Variants in MAGI2 observed in about 807,000 individuals in gnomAD.
The protein encoded by MAGI2 is membrane associated guanylate kinase, WW and PDZ domain containing 2, also known as membrane-associated guanylate kinase, WW and PDZ domain-containing protein 2.
In MAGI2, 35 loss-of-function variants were observed where a neutral mutation model predicts 133.3. The observed-to-expected ratio is 0.26, with a 90% confidence interval of 0.20 to 0.35. MAGI2 has a LOEUF of 0.35. MAGI2 is among the 10% of genes least tolerant of loss of function. The pLI is 1.00. For missense variants in MAGI2, 1,636 were observed against 1,863.4 expected (o/e 0.88, Z 2.25); for synonymous variants, 729 against 710.6 (o/e 1.03, Z -0.41).
At chr7:79,229,168 G>A (rs1185078081) in intron 1 of MAGI2, among the ~76,000 whole-genome samples, 5 of 150,670 alleles carry the variant, frequency 3.3e-5, no homozygotes, top group African/African-American at 1.2e-4. Flanking sequence ...ACATAAGACA[G>A]AAAAGTTATT....
intron 9 of MAGI2, among the ~76,000 whole-genome samples, chr7:78,328,132 C>T (rs1309472024): frequency 2.0e-5 from 3 of 152,100 alleles, no homozygotes; most frequent in East Asian, 3.9e-4. Context: ...GGCAAAATGT[C>T]TCCTTTTCTT....
chr7:79,317,585 A>C (rs1029287038), intron 1 of MAGI2, among the ~76,000 whole-genome samples: 7 of 152,198 alleles, frequency 4.6e-5, no homozygotes, highest in Admixed American at 3.9e-4. Context: ...AATCGATATA[A>C]AAATTTCAAT....
At chr7:78,260,367 G>A (rs1264000043) in intron 9 of MAGI2, among the ~76,000 whole-genome samples, 1 of 152,138 alleles carries the variant, frequency 6.6e-6, no homozygotes, top group African/African-American at 2.4e-5. Context: ...GACATCATCA[G>A]GAAGACTGGC....
At chr7:78,837,851 G>A (rs903986300) in intron 2 of MAGI2, among the ~76,000 whole-genome samples, 7 of 152,038 alleles carry the variant, frequency 4.6e-5, no homozygotes, top group Non-Finnish European at 1.0e-4. Flanking sequence ...TTTGAAACCT[G>A]CAGTATGTTC....
chr7:78,026,141 A>G (rs1050825356), intron 21 of MAGI2: 1 of 152,590 alleles, frequency 6.6e-6, no homozygotes, highest in Non-Finnish European at 1.5e-5. Flanking sequence ...AGTACATATC[A>G]GTATATATAC....
chr7:78,968,129 C>T (rs1803489804), intron 2 of MAGI2, among the ~76,000 whole-genome samples: 1 of 152,124 alleles, frequency 6.6e-6, no homozygotes, highest in Admixed American at 6.6e-5. Flanking sequence ...CCGCACCCTG[C>T]CTCCACTTGG....
intron 10 of MAGI2, among the ~76,000 whole-genome samples, chr7:78,248,142 A>AC (rs1165624727): frequency 6.6e-6 from 1 of 152,218 alleles, no homozygotes; most frequent in Admixed American, 6.5e-5. Context: ...CTCAGCAGAA[A>AC]CCCTGGAGTC....
chr7:78,816,363 C>T (rs1460755803), intron 2 of MAGI2, among the ~76,000 whole-genome samples: 1 of 152,154 alleles, frequency 6.6e-6, no homozygotes, highest in African/African-American at 2.4e-5. Flanking sequence ...GCAAGTTACT[C>T]AAGTGATCTA....
At chr7:78,806,887 T>C (rs1788626500) in intron 2 of MAGI2, among the ~76,000 whole-genome samples, 1 of 146,356 alleles carries the variant, frequency 6.8e-6, no homozygotes, top group South Asian at 2.1e-4. Context: ...TAAAATAAAA[T>C]AAAATAAAAT....
intron 2 of MAGI2, among the ~76,000 whole-genome samples, chr7:78,655,205 A>C (rs1377899440): frequency 6.6e-6 from 1 of 151,982 alleles, no homozygotes; most frequent in African/African-American, 2.4e-5. Flanking sequence ...TATTACTAAA[A>C]CGCAAGACAA....
At chr7:78,415,145 C>T (rs1250468274) in intron 6 of MAGI2, among the ~76,000 whole-genome samples, 1 of 152,076 alleles carries the variant, frequency 6.6e-6, no homozygotes, top group Non-Finnish European at 1.5e-5. Flanking sequence ...CTGTGCCTTA[C>T]CTTCCTTTAT....
intron 9 of MAGI2, among the ~76,000 whole-genome samples, chr7:78,308,641 G>T (rs1798438896): frequency 6.6e-6 from 1 of 151,418 alleles, no homozygotes; most frequent in Non-Finnish European, 1.5e-5. Context: ...TCCTTTTCAG[G>T]TGTTCCATTA....
In MAGI2 at chr7:78,127,390, T is replaced by C. The variant is rs1342906924; in HGVS notation, c.3230A>G (p.Gln1077Arg). 2 of 1,605,586 alleles carry C rather than the reference T, an allele frequency of 1.2e-6. No homozygotes were observed. The highest frequency in any genetic ancestry group is 3.3e-5 in the Admixed American group (2 of 59,982). ...NSYRSEVKAR[Q>R]DVKPDIRQPP... ...CTGTCGGATGTCTGGTTTCACATCT[T>C]GCCTTGCTTTCACTTCCGACCTGTA... is the stretch of plus-strand genomic sequence containing the variant. The change falls in exon 19 of 22, where the codon CAA (glutamine) becomes CGA (arginine). Residue 1077 changes from glutamine to arginine, a missense_variant. By Grantham distance (43) the Gln-to-Arg change is conservative. This residue lies in a region of MAGI2 where 920 missense variants were observed against 1,093.5 expected (regional missense o/e 0.84). Coordinates refer to ENST00000354212, the MANE Select transcript of MAGI2 (RefSeq NM_012301.4).
intron 20 of MAGI2, among the ~76,000 whole-genome samples, chr7:78,110,952 C>T (rs1417279833): frequency 6.6e-6 from 1 of 152,148 alleles, no homozygotes; most frequent in African/African-American, 2.4e-5. Context: ...AAACCAAATC[C>T]TGTGTGAATC....
At chr7:78,867,379 T>C (rs1022277252) in intron 2 of MAGI2, among the ~76,000 whole-genome samples, 2 of 150,924 alleles carry the variant, frequency 1.3e-5, no homozygotes, top group African/African-American at 4.9e-5. Flanking sequence ...GATGAGTTCA[T>C]GTCCTTTGTA....
At chr7:79,237,665 T>C (rs1024837598) in intron 1 of MAGI2, among the ~76,000 whole-genome samples, 9 of 152,212 alleles carry the variant, frequency 5.9e-5, no homozygotes, top group African/African-American at 1.7e-4. Flanking sequence ...CTACCTATTA[T>C]ATTAATATAC....
At chr7:78,498,143 T>C (rs1319899514) in intron 5 of MAGI2, among the ~76,000 whole-genome samples, 1 of 152,194 alleles carries the variant, frequency 6.6e-6, no homozygotes, top group Non-Finnish European at 1.5e-5. Context: ...ATTTTAAGTG[T>C]TCTCAACACA....
chr7:79,310,258 T>C (rs1177071097), intron 1 of MAGI2, among the ~76,000 whole-genome samples: 1 of 142,410 alleles, frequency 7.0e-6, no homozygotes, highest in Admixed American at 7.1e-5. Context: ...GTGTACAAAA[T>C]TATCTGCTAT....
chr7:78,167,824 T>C lies in MAGI2; in HGVS notation c.2596+92A>G, dbSNP rs533242572. The stretch of plus-strand genomic sequence containing the variant: ...CTTCCTCATATAATGTAGAAATGGA[T>C]TTAAAATTTTGTTTCATGTGGCCTT... On this transcript the variant is annotated intron_variant, in intron 15 of 21. Coordinates refer to ENST00000354212, the MANE Select transcript of MAGI2 (RefSeq NM_012301.4). The C allele has an allele frequency of 1.0e-5, 12 of 1,152,512 alleles. No homozygotes were observed. The East Asian group carries it at 2.9e-4, about 27-fold the overall frequency. 71.4% of individuals were successfully genotyped at this position (1,152,512 alleles called of 1,614,324 possible).
Sources: allele counts gnomAD v4.1 joint callset (sites outside exome capture counted in the v4.1 genomes callset), GRCh38; gene constraint gnomAD v4.1.1; regional missense constraint gnomAD v4.1.1; transcripts MANE v1.5; gene names NCBI Gene and HGNC (gene_info 2026-07-23, HGNC 2026-07-21).